WIF1: variants seen among roughly 807,000 people sequenced by gnomAD.
The protein encoded by WIF1 is Wnt inhibitory factor 1.
WIF1 carries 35 observed loss-of-function variants against 53.5 expected under a neutral mutation model. That is an observed-to-expected ratio of 0.65 (90% CI 0.50 to 0.87). The LOEUF (loss-of-function observed/expected upper bound fraction) is 0.87. Ranked by LOEUF, WIF1 falls within the 40% of genes least tolerant of loss-of-function variation. The probability of loss-of-function intolerance (pLI) is 0.00; values close to 1 mark genes in which losing one functional copy is unlikely to be tolerated. For synonymous variants in WIF1, 171 were observed against 170.4 expected, an observed-to-expected ratio of 1.00 and a Z score of -0.03; for missense variants, 467 against 476.8, an observed-to-expected ratio of 0.98 and a Z score of 0.19.
intron 8 of WIF1, among the ~76,000 whole-genome samples, chr12:65,055,537 T>C (rs1040321106): frequency 6.6e-6 from 1 of 152,180 alleles, no homozygotes; most frequent in Non-Finnish European, 1.5e-5. Context: ...TTTGGGGGGC[T>C]GAGGCAGGTG....
chr12:65,095,331 G>C (rs186299587), intron 2 of WIF1, among the ~76,000 whole-genome samples: 6 of 152,168 alleles, frequency 3.9e-5, no homozygotes. Flanking sequence ...GTTCAAAATA[G>C]CACTCTCAAG....
rs998411517 is a variant in WIF1, at chr12:65,051,115, A to G, written c.*234T>C. 4.1e-5 allele frequency: 16 copies of G among 386,950 alleles called. No individual in the cohort carries two copies. Among genetic ancestry groups the G allele is most frequent in the African/African-American group, 2.9e-4 (14 of 48,392 alleles). The allele number at this position is 386,950 out of a possible 1,614,324, so 24.0% of individuals were successfully genotyped here. ...AAATTTTAACCTGATCAATTGACAT[A>G]ATATAAAATCTGTCCCAAAGCACTG... On this transcript the variant is annotated 3_prime_UTR_variant, in exon 10 of 10. Transcript: ENST00000286574.
intron 2 of WIF1, among the ~76,000 whole-genome samples, chr12:65,109,595 G>C (rs749566): frequency 0.071 from 10,872 of 152,198 alleles, 501 homozygotes; most frequent in East Asian, 0.18. Context: ...TGTATTCTTA[G>C]GACCAAGGAC....
chr12:65,088,543 C>A (rs1054811557), intron 2 of WIF1, among the ~76,000 whole-genome samples: 3 of 152,064 alleles, frequency 2.0e-5, no homozygotes, highest in Non-Finnish European at 2.9e-5. Context: ...GTCTTTACTA[C>A]GGTATGGTTT....
intron 1 of WIF1, 187 bp from the exon 2 acceptor site, chr12:65,120,743 A>G: frequency 1.2e-6 from 1 of 836,044 alleles, no homozygotes; most frequent in Non-Finnish European, 1.8e-6. Context: ...ATGCCAACAG[A>G]CCCATGCTTT....
At chr12:65,104,321 A>T (rs1050906759) in intron 2 of WIF1, among the ~76,000 whole-genome samples, 1 of 152,232 alleles carries the variant, frequency 6.6e-6, no homozygotes, top group African/African-American at 2.4e-5. Context: ...CTTCTTGGTC[A>T]AAGTCTTTAT....
intron 2 of WIF1, among the ~76,000 whole-genome samples, chr12:65,081,137 CATTAA>C (rs1882943104): frequency 6.6e-6 from 1 of 151,578 alleles, no homozygotes; most frequent in South Asian, 2.1e-4. Flanking sequence ...TTTTAAAAAG[CATTAA>C]TCATGTACCC....
intron 2 of WIF1, among the ~76,000 whole-genome samples, chr12:65,100,752 G>A (rs2136635396): frequency 6.6e-6 from 1 of 152,196 alleles, no homozygotes; most frequent in South Asian, 2.1e-4. Flanking sequence ...CAGGCGTGGT[G>A]GCTCACACCT....
chr12:65,077,565 C>A (rs1260090693), intron 3 of WIF1, among the ~76,000 whole-genome samples, 181 bp downstream of exon 3: 1 of 152,134 alleles, frequency 6.6e-6, no homozygotes, highest in East Asian at 1.9e-4. Context: ...ATATAACCAT[C>A]ATTTCTTCAC....
chr12:65,066,954 T>C (rs951393648), intron 5 of WIF1, among the ~76,000 whole-genome samples: 1 of 152,064 alleles, frequency 6.6e-6, no homozygotes, highest in Non-Finnish European at 1.5e-5. Flanking sequence ...AGATGACTTT[T>C]GGATTGGTTC....
chr12:65,103,019 A>AT, intron 2 of WIF1, among the ~76,000 whole-genome samples: 1 of 152,324 alleles, frequency 6.6e-6, no homozygotes, highest in African/African-American at 2.4e-5. Flanking sequence ...ATCCACTTAT[A>AT]TTTTCCACTC....
intron 2 of WIF1, among the ~76,000 whole-genome samples, chr12:65,087,149 CG>C (rs1475990905): frequency 6.6e-6 from 1 of 151,976 alleles, no homozygotes; most frequent in Non-Finnish European, 1.5e-5. Flanking sequence ...GACTCCATCG[CG>C]GGGGAAAAAA....
intron 2 of WIF1, among the ~76,000 whole-genome samples, chr12:65,099,155 A>G (rs1476640368): frequency 6.6e-6 from 1 of 152,182 alleles, no homozygotes; most frequent in Admixed American, 6.5e-5. Context: ...CTAATAAGCA[A>G]TCTTCTCAGA....
chr12:65,066,624 TA>T lies in WIF1; in HGVS notation c.730+16del, dbSNP rs770327328. 2.5e-6 allele frequency: 4 copies of T among 1,586,856 alleles called. No homozygotes were observed. Among genetic ancestry groups the T allele is most frequent in the Non-Finnish European group, 3.4e-6 (4 of 1,169,112 alleles). ...TTAAAAGTAAAAATAACTTTCTTCT[TA>T]AAAAGAAACTGTTACCTTTGTCACA... On this transcript the variant is annotated intron_variant, in intron 6 of 9. Coordinates refer to ENST00000286574, the MANE Select transcript of WIF1 (RefSeq NM_007191.5).
At chr12:65,115,638 C>T (rs577697676) in intron 2 of WIF1, among the ~76,000 whole-genome samples, 1 of 152,232 alleles carries the variant, frequency 6.6e-6, no homozygotes, top group South Asian at 2.1e-4. Context: ...GAGTATTTTC[C>T]ATTAATTACT....
chr12:65,115,876 T>G (rs1303222975), intron 2 of WIF1, among the ~76,000 whole-genome samples: 1 of 152,180 alleles, frequency 6.6e-6, no homozygotes, highest in Non-Finnish European at 1.5e-5. Context: ...CATTAATAAA[T>G]TCTTTGGTCT....
At chr12:65,081,466 TCA>T (rs1342171078) in intron 2 of WIF1, among the ~76,000 whole-genome samples, 1 of 152,132 alleles carries the variant, frequency 6.6e-6, no homozygotes, top group Non-Finnish European at 1.5e-5. Context: ...ATACTTAGCA[TCA>T]GAGAGTTGAT....
chr12:65,104,016 G>A (rs961776380), intron 2 of WIF1, among the ~76,000 whole-genome samples: 13 of 152,102 alleles, frequency 8.5e-5, no homozygotes, highest in East Asian at 1.9e-4. Context: ...AGTGAGTCAC[G>A]TTCATGCCAC....
At chr12:65,078,173 G>C (rs978579169) in intron 2 of WIF1, among the ~76,000 whole-genome samples, 1 of 152,140 alleles carries the variant, frequency 6.6e-6, no homozygotes, top group Non-Finnish European at 1.5e-5. Flanking sequence ...CTGCCTCCCA[G>C]GTTCAAGCAA....
Sources: gnomAD v4.1 joint callset for allele counts (sites outside exome capture counted in the v4.1 genomes callset) on GRCh38, gnomAD v4.1.1 for gene constraint, MANE v1.5 for transcripts, NCBI Gene and HGNC (gene_info 2026-07-23, HGNC 2026-07-21) for gene names.